The following RBM23 variants were observed in gnomAD, a reference collection of about 807,000 sequenced individuals.
RBM23 encodes the protein RNA binding motif protein 23, also known as probable RNA-binding protein 23.
A neutral mutation model predicts 56.2 loss-of-function variants in RBM23; 53 were observed. The ratio of observed to expected loss-of-function variants is 0.94; its 90% CI spans 0.76 to 1.19. The LOEUF (loss-of-function observed/expected upper bound fraction) is 1.19, where lower values mean the gene tolerates loss of function less well. Ranked by LOEUF, RBM23 falls within the 50% of genes most tolerant of loss-of-function variation. The probability of loss-of-function intolerance (pLI) is 0.00; values close to 1 mark genes in which losing one functional copy is unlikely to be tolerated. For missense variants in RBM23, 642 were observed against 590.3 expected (o/e 1.09, Z -0.91); for synonymous variants, 197 against 198.5 (o/e 0.99, Z 0.06).
intron 1 of RBM23, among the ~76,000 whole-genome samples, chr14:22,913,368 C>G (rs560720919): frequency 6.8e-6 from 1 of 146,196 alleles, no homozygotes; most frequent in South Asian, 2.2e-4. Context: ...GAGCCGAGAT[C>G]GCGCCACTGC....
At chr14:22,914,624 TA>T (rs879886119) in intron 1 of RBM23, among the ~76,000 whole-genome samples, 49 of 146,376 alleles carry the variant, frequency 3.3e-4, no homozygotes, top group Admixed American at 5.5e-4. Flanking sequence ...ATCATGCCGT[TA>T]AAAAAAAAAA....
At position 22,908,113 on chromosome 14, in the gene RBM23, TG is replaced by T. The variant is rs533352010; in HGVS notation, c.227+219del. ...TCGGCTCACTGCAACCTCGAACTCC[TG>T]GGCCCAAGCAATCCTCCAGCCTTAG... On this transcript the variant is annotated intron_variant, in intron 4 of 13. Transcript: ENST00000359890. 9.2e-5 allele frequency among the ~76,000 whole-genome samples: 14 copies of T among 152,088 alleles called. No homozygotes were observed. In the East Asian group the frequency reaches 2.5e-3, roughly 27 times the overall value.
At chr14:22,907,451 G>C (rs1371472862) in intron 4 of RBM23, among the ~76,000 whole-genome samples, 1 of 152,270 alleles carries the variant, frequency 6.6e-6, no homozygotes, top group East Asian at 1.9e-4. Context: ...AGAATAATTT[G>C]AATGTTTCCT....
intron 1 of RBM23, chr14:22,914,127 C>G (rs1290195333): frequency 6.6e-6 from 1 of 151,314 alleles, no homozygotes; most frequent in African/African-American, 2.4e-5. Context: ...GAGATCGAGA[C>G]CATCCTGGCC....
intron 3 of RBM23, among the ~76,000 whole-genome samples, chr14:22,908,904 C>T (rs367701123): frequency 4.0e-5 from 6 of 151,782 alleles, no homozygotes; most frequent in Admixed American, 6.6e-5. Flanking sequence ...CCCCCTAATG[C>T]GAAGCAAAAC....
Position 22,898,608 on chromosome 14 carries a change from T to C in RBM23, c.*3122A>G, listed in dbSNP as rs2040286072. 1 of 151,954 alleles carries C rather than the reference T, an allele frequency of 6.6e-6. No homozygotes were observed. Among genetic ancestry groups the C allele is most frequent in the Admixed American group, 6.6e-5 (1 of 15,252 alleles). The allele number at this position is 151,954 out of a possible 1,614,324, so 9.4% of individuals were successfully genotyped here. ...CCTTATATGGAGTAAGACTGGAAAT[T>C]GTCTTAGATACGTCCTTACTTCCAA... is the stretch of plus-strand genomic sequence containing the variant. On this transcript the variant is annotated 3_prime_UTR_variant, in exon 14 of 14. Coordinates refer to ENST00000359890, the MANE Select transcript of RBM23 (RefSeq NM_001077351.2).
chr14:22,902,442 C>A, intron 10 of RBM23, 60 bp from the exon 11 acceptor site: 1 of 1,565,814 alleles, frequency 6.4e-7, no homozygotes, highest in Non-Finnish European at 8.7e-7. Context: ...CTCAAAGACC[C>A]AGTAACACTC....
In RBM23 at chr14:22,919,136, A is replaced by G. The variant is rs1283795013; in HGVS notation, c.-148T>C. The G allele has an allele frequency of 6.6e-6, 1 of 152,252 alleles. No homozygotes were observed. The highest frequency in any genetic ancestry group is 2.4e-5 in the African/African-American group (1 of 41,434). The allele number at this position is 152,252 out of a possible 1,614,324, so 9.4% of individuals were successfully genotyped here. A position where few individuals can be genotyped will look rare whatever the true frequency, so the allele number is the denominator to read the frequency against. ...GTACAGAGCCTCCTCTTCCCGCAAA[A>G]TGGCGGCAGCTCTGCCGTCTTCCAG... On this transcript the variant is annotated 5_prime_UTR_variant, in exon 1 of 14. Transcript: ENST00000359890.
intron 1 of RBM23, among the ~76,000 whole-genome samples, chr14:22,913,062 C>T (rs1237554842): frequency 1.5e-5 from 2 of 133,734 alleles, no homozygotes; most frequent in Admixed American, 1.5e-4. Context: ...GCAGAAAGCA[C>T]ATCAATGGTT....
chr14:22,918,925 CA>C (rs1435295521), intron 1 of RBM23, 73 bp downstream of exon 1: 3 of 152,104 alleles, frequency 2.0e-5, no homozygotes, highest in African/African-American at 7.2e-5. Flanking sequence ...CCCGTGACGT[CA>C]GGGGGGAGGC....
At chr14:22,904,394 A>C (rs1594248746) in intron 9 of RBM23, 68 bp from the exon 10 acceptor site, 4 of 1,292,520 alleles carry the variant, frequency 3.1e-6, no homozygotes, top group Non-Finnish European at 4.3e-6. Flanking sequence ...TCCTACCCAG[A>C]CTGCTTTTTT....
chr14:22,918,204 G>T (rs1417325754), intron 1 of RBM23, among the ~76,000 whole-genome samples: 1 of 152,112 alleles, frequency 6.6e-6, no homozygotes, highest in Non-Finnish European at 1.5e-5. Context: ...AGGTCAGCCT[G>T]GCTAACATGG....
intron 1 of RBM23, among the ~76,000 whole-genome samples, chr14:22,918,646 G>C (rs1035700437): frequency 6.6e-6 from 1 of 152,124 alleles, no homozygotes; most frequent in African/African-American, 2.4e-5. Context: ...TGAAACTGAT[G>C]ATGCGTGTCC....
intron 9 of RBM23, among the ~76,000 whole-genome samples, chr14:22,904,641 T>C (rs897401910): frequency 6.6e-6 from 1 of 152,112 alleles, no homozygotes; most frequent in African/African-American, 2.4e-5. Context: ...TGGCTAATTT[T>C]TGTATTTTTT....
chr14:22,908,204 A>T, intron 4 of RBM23, 129 bp downstream of exon 4: 1 of 979,770 alleles, frequency 1.0e-6, no homozygotes, highest in Non-Finnish European at 1.5e-6. Context: ...AATTTTTTGT[A>T]GAGACAGGAT....
At chr14:22,906,791 C>A (rs2041646855) in intron 4 of RBM23, among the ~76,000 whole-genome samples, 1 of 152,226 alleles carries the variant, frequency 6.6e-6, no homozygotes, top group Non-Finnish European at 1.5e-5. Flanking sequence ...GTAATCCCAG[C>A]ACTTTGGGAG....
intron 1 of RBM23, among the ~76,000 whole-genome samples, chr14:22,916,227 CAG>C (rs2043457615): frequency 6.6e-6 from 1 of 151,470 alleles, no homozygotes; most frequent in African/African-American, 2.4e-5. Flanking sequence ...ATCCCCAAAA[CAG>C]AGAAGGTCAC....
chr14:22,893,257 CTAAG>C lies in RBM23; in HGVS notation c.*8469_*8472del, dbSNP rs1417096531. ...TAATATAGTTTCAATCCACATCAATCTAAGTAAATTTTCCTGGACATTTTAATCT... is the reference window on the plus strand; with the variant it reads ...TAATATAGTTTCAATCCACATCAATCTAAATTTTCCTGGACATTTTAATCT... On this transcript the variant is annotated 3_prime_UTR_variant, in exon 14 of 14. Coordinates refer to ENST00000359890, the MANE Select transcript of RBM23 (RefSeq NM_001077351.2). 1.3e-5 allele frequency: 2 copies of C among 152,206 alleles called. No homozygotes were observed. The highest frequency in any genetic ancestry group is 3.8e-4 in the East Asian group (2 of 5,202). 9.4% of individuals were successfully genotyped at this position (152,206 alleles called of 1,614,324 possible). A position where few individuals can be genotyped will look rare whatever the true frequency, so the allele number is the denominator to read the frequency against.
chr14:22,904,752 T>A, intron 9 of RBM23, 123 bp downstream of exon 9: 1 of 1,403,792 alleles, frequency 7.1e-7, no homozygotes, highest in Non-Finnish European at 9.8e-7. Context: ...CATAGACTCA[T>A]ATGCCCACTA....
Sources: gnomAD v4.1 joint callset for allele counts (sites outside exome capture counted in the v4.1 genomes callset) on GRCh38, gnomAD v4.1.1 for gene constraint, MANE v1.5 for transcripts, NCBI Gene and HGNC (gene_info 2026-07-23, HGNC 2026-07-21) for gene names.